Variants in CALN1 observed in about 807,000 individuals in gnomAD.
CALN1 encodes calneuron 1, also known as calcium-binding protein 8.
CALN1 carries 17 observed loss-of-function variants against 30.6 expected under a neutral mutation model. The ratio of observed to expected loss-of-function variants is 0.56; its 90% CI spans 0.38 to 0.83. The LOEUF (loss-of-function observed/expected upper bound fraction) is 0.83. Ranked by LOEUF, CALN1 falls within the 40% of genes least tolerant of loss-of-function variation. The probability of loss-of-function intolerance (pLI) is 0.00; values close to 1 mark genes in which losing one functional copy is unlikely to be tolerated. For missense variants in CALN1, 291 were observed against 354.9 expected (o/e 0.82, Z 1.45); for synonymous variants, 156 against 131.4 (o/e 1.19, Z -1.28).
At chr7:72,336,724 C>T (rs1802073051) in intron 2 of CALN1, 1 of 985,338 alleles carries the variant, frequency 1.0e-6, no homozygotes, top group Non-Finnish European at 1.2e-6. Flanking sequence ...GCCGGGGCTC[C>T]GCAGCCCGGC....
chr7:71,794,128 G>A lies in CALN1; in HGVS notation c.659-6226C>T, dbSNP rs1786745609. On this transcript the variant is annotated intron_variant, in intron 6 of 6. Transcript: ENST00000395275. ...TGTGTTGTCTTCATTTATTGCGTGA[G>A]GAGCCTGAATTCCAATAAGTGAAGT... Among the ~76,000 whole-genome samples, 3 of 152,082 alleles carry A rather than the reference G, an allele frequency of 2.0e-5. No homozygotes were observed. The South Asian group carries it at 6.2e-4, about 32-fold the overall frequency.
intron 2 of CALN1, among the ~76,000 whole-genome samples, chr7:72,319,810 C>T (rs182577133): frequency 6.6e-6 from 1 of 151,934 alleles, no homozygotes; most frequent in Admixed American, 6.6e-5. Flanking sequence ...TGTGTACACA[C>T]GGACATAGAG....
Position 71,797,627 on chromosome 7 carries a change from A to G in CALN1, c.659-9725T>C, listed in dbSNP as rs1787009263. 5.9e-5 allele frequency among the ~76,000 whole-genome samples: 9 copies of G among 152,234 alleles called. No homozygotes were observed. The South Asian group carries it at 1.9e-3, about 32-fold the overall frequency. The stretch of plus-strand genomic sequence containing the variant: ...GAGCTGGTCCCTTCTCCTCTACAAA[A>G]TCTCATGCCCTGCATCTCAGGTTTG... On this transcript the variant is annotated intron_variant, in intron 6 of 6. Coordinates refer to ENST00000395275, the MANE Select transcript of CALN1 (RefSeq NM_031468.4).
At chr7:72,008,452 CA>C (rs1282033809) in intron 5 of CALN1, among the ~76,000 whole-genome samples, 1 of 148,030 alleles carries the variant, frequency 6.8e-6, no homozygotes, top group African/African-American at 2.6e-5. Context: ...ATAATTTACA[CA>C]AATTATTATT....
At chr7:72,295,403 G>A (rs1406744002) in intron 2 of CALN1, among the ~76,000 whole-genome samples, 1 of 152,082 alleles carries the variant, frequency 6.6e-6, no homozygotes, top group East Asian at 1.9e-4. Flanking sequence ...TGTGAAGAAA[G>A]GCATTGGTAG....
intron 3 of CALN1, among the ~76,000 whole-genome samples, chr7:72,171,717 T>C (rs1585087660): frequency 6.6e-6 from 1 of 152,210 alleles, no homozygotes; most frequent in South Asian, 2.1e-4. Context: ...TCATTTATTT[T>C]TAGCTTGAAA....
chr7:71,812,250 G>A (rs532992734), intron 5 of CALN1, among the ~76,000 whole-genome samples: 6 of 152,176 alleles, frequency 3.9e-5, no homozygotes, highest in South Asian at 2.1e-4. Context: ...TGTTTGCTAC[G>A]GCAGCATAAC....
chr7:72,252,602 C>T (rs1795633469), intron 3 of CALN1, among the ~76,000 whole-genome samples: 1 of 111,340 alleles, frequency 9.0e-6, no homozygotes, highest in East Asian at 2.8e-4. Context: ...GAGCAAGACC[C>T]TGTCTCAAAA....
At chr7:72,411,850 TATATTCCAGG>T (rs1807180360) in intron 1 of CALN1, among the ~76,000 whole-genome samples, 198 bp downstream of exon 1, 1 of 152,234 alleles carries the variant, frequency 6.6e-6, no homozygotes. Flanking sequence ...CCATACAGAT[TATATTCCAGG>T]ATAACCAAAT....
chr7:72,200,731 G>A (rs1791361360), intron 3 of CALN1, among the ~76,000 whole-genome samples: 1 of 152,144 alleles, frequency 6.6e-6, no homozygotes, highest in South Asian at 2.1e-4. Flanking sequence ...CAATGATGAT[G>A]GCTGTTTTTC....
intron 4 of CALN1, among the ~76,000 whole-genome samples, chr7:72,095,276 C>T (rs531036970): frequency 1.4e-4 from 21 of 152,162 alleles, no homozygotes; most frequent in African/African-American, 5.1e-4. Context: ...GTCTTTGGCC[C>T]ATGATGAAAA....
At chr7:72,023,565 C>T (rs960436809) in intron 5 of CALN1, 92 bp downstream of exon 5, 8 of 873,240 alleles carry the variant, frequency 9.2e-6, no homozygotes, top group Middle Eastern at 2.2e-4. Context: ...GAGATCTTCA[C>T]GTGCCAAATA....
intron 3 of CALN1, among the ~76,000 whole-genome samples, chr7:72,134,968 C>T (rs892740395): frequency 6.6e-6 from 1 of 152,184 alleles, no homozygotes; most frequent in African/African-American, 2.4e-5. Context: ...GTTTACAAAG[C>T]ATCTTTACCA....
Position 71,924,840 on chromosome 7 carries a change from G to A in CALN1, c.501+98817C>T, listed in dbSNP as rs1228571402. ...TTGACATGTGCTACAAATACATTATGTCTTAAAACTATTAATTGCTTTAAA... is the reference window on the plus strand; with the variant it reads ...TTGACATGTGCTACAAATACATTATATCTTAAAACTATTAATTGCTTTAAA... On this transcript the variant is annotated intron_variant, in intron 5 of 6. Transcript: ENST00000395275. Among the ~76,000 whole-genome samples, 8 of 152,136 alleles carry A rather than the reference G, an allele frequency of 5.3e-5. No individual in the cohort carries two copies. The East Asian group carries it at 1.3e-3, about 26-fold the overall frequency.
chr7:72,061,200 A>G (rs1008148450), intron 4 of CALN1, among the ~76,000 whole-genome samples: 2 of 152,206 alleles, frequency 1.3e-5, no homozygotes, highest in Admixed American at 1.3e-4. Context: ...CCGGGATCTC[A>G]TAACGTAATA....
intron 3 of CALN1, among the ~76,000 whole-genome samples, chr7:72,214,929 G>A (rs905392769): frequency 2.0e-5 from 3 of 151,692 alleles, no homozygotes; most frequent in Non-Finnish European, 4.4e-5. Context: ...ATCACTCCCA[G>A]ATAGGACTAT....
chr7:72,283,354 G>T (rs1026584776), intron 2 of CALN1, among the ~76,000 whole-genome samples: 9 of 152,074 alleles, frequency 5.9e-5, no homozygotes, highest in Admixed American at 5.9e-4. Context: ...GCAAGACCCT[G>T]TCTCTTCACA....
At chr7:72,363,817 T>C (rs540055068) in intron 2 of CALN1, among the ~76,000 whole-genome samples, 3 of 138,666 alleles carry the variant, frequency 2.2e-5, no homozygotes, top group South Asian at 4.6e-4. Flanking sequence ...AACCCCCGCC[T>C]CCTGGGTTCA....
intron 6 of CALN1, among the ~76,000 whole-genome samples, chr7:71,792,728 T>G (rs1786643236): frequency 6.6e-6 from 1 of 152,140 alleles, no homozygotes. Context: ...CTGAGTAGCT[T>G]CTTCTCCTGG....
Sources: gnomAD v4.1 joint callset for allele counts (sites outside exome capture counted in the v4.1 genomes callset) on GRCh38, gnomAD v4.1.1 for gene constraint, MANE v1.5 for transcripts, NCBI Gene and HGNC (gene_info 2026-07-23, HGNC 2026-07-21) for gene names.